Variants in TG observed in about 807,000 individuals in gnomAD.
TG encodes thyroid hormones.
In TG, 270 loss-of-function variants were observed where a neutral mutation model predicts 324.7. That is an observed-to-expected ratio of 0.83 (90% CI 0.75 to 0.92). The LOEUF (loss-of-function observed/expected upper bound fraction) is 0.92, where lower values mean the gene tolerates loss of function less well. Among genes scored for constraint, TG ranks in the 40% least tolerant of loss-of-function variants. TG has a pLI of 0.00. For synonymous variants in TG, 1,401 were observed against 1,327.0 expected, an observed-to-expected ratio of 1.06 and a Z score of -1.21; for missense variants, 3,591 against 3,456.4, an observed-to-expected ratio of 1.04 and a Z score of -0.98.
intron 25 of TG, 46 bp downstream of exon 25, chr8:132,935,910 C>A: frequency 2.7e-6 from 4 of 1,485,232 alleles, no homozygotes; most frequent in South Asian, 2.3e-5. Flanking sequence ...TGGCTTCACA[C>A]GGTCATGTTT....
chr8:133,040,527 T>C (rs945722452), intron 41 of TG, among the ~76,000 whole-genome samples: 14 of 152,338 alleles, frequency 9.2e-5, no homozygotes, highest in African/African-American at 3.4e-4. Flanking sequence ...CTTCCAGGGT[T>C]TCCCGCAAAT....
chr8:132,874,639 G>A (rs1389394471), intron 5 of TG, among the ~76,000 whole-genome samples: 3 of 152,176 alleles, frequency 2.0e-5, no homozygotes, highest in African/African-American at 7.2e-5. Context: ...GTGCAGAACT[G>A]TCCCACAGGC....
chr8:132,874,451 A>C (rs1441315544), intron 5 of TG, among the ~76,000 whole-genome samples: 1 of 152,200 alleles, frequency 6.6e-6, no homozygotes, highest in Non-Finnish European at 1.5e-5. Context: ...TTTAGATGTA[A>C]TTGAACCATT....
chr8:132,923,317 A>G (rs200698081), intron 21 of TG, 21 bp from the exon 22 acceptor site: 17 of 1,612,828 alleles, frequency 1.1e-5, no homozygotes, highest in Non-Finnish European at 1.3e-5. Flanking sequence ...ATTGACGGCT[A>G]TGTCAATCTA....
chr8:133,083,839 G>A (rs191578785), intron 41 of TG, among the ~76,000 whole-genome samples: 38 of 152,248 alleles, frequency 2.5e-4, no homozygotes, highest in Non-Finnish European at 5.0e-4. Context: ...CCCCGTCCAG[G>A]TTCTAGTGAA....
intron 5 of TG, among the ~76,000 whole-genome samples, chr8:132,877,503 G>C (rs1813989193): frequency 6.6e-6 from 1 of 152,178 alleles, no homozygotes. Context: ...TCATTTGTGA[G>C]TCAGTGTTTA....
chr8:133,022,708 C>T (rs1835672286), intron 40 of TG, among the ~76,000 whole-genome samples: 1 of 152,210 alleles, frequency 6.6e-6, no homozygotes, highest in African/African-American at 2.4e-5. Flanking sequence ...TCCCCACTGA[C>T]TCCTAGGGCT....
At position 132,906,819 on chromosome 8, in the gene TG, G is replaced by A. The variant is rs139770730; in HGVS notation, c.3766G>A (p.Val1256Met). ...QLLCRQGSWS[V>M]FPPGPLICSL... ...GCTGTGCCGCCAGGGCTCCTGGAGC[G>A]TGTTTCCACCAGGGCCATTGATATG... Residue 1256 changes from valine to methionine, a missense_variant, in exon 17 of 48, where the codon GTG becomes ATG. Transcript: ENST00000220616. 4.9e-4 allele frequency: 783 copies of A among 1,614,156 alleles called. 7 individuals carry two copies. The highest frequency in any genetic ancestry group is 1.8e-4 in the East Asian group (8 of 44,872).
chr8:133,033,866 A>G (rs920613632), intron 41 of TG, among the ~76,000 whole-genome samples: 1 of 152,228 alleles, frequency 6.6e-6, no homozygotes, highest in East Asian at 1.9e-4. Context: ...TATTTTTCTA[A>G]CATCTCTCAT....
At chr8:133,062,200 G>A (rs1213428817) in intron 41 of TG, among the ~76,000 whole-genome samples, 1 of 152,128 alleles carries the variant, frequency 6.6e-6, no homozygotes, top group Non-Finnish European at 1.5e-5. Flanking sequence ...CTTTCTTCAT[G>A]CTTGCCCCTA....
chr8:133,097,338 A>G (rs1048537391), intron 43 of TG, among the ~76,000 whole-genome samples: 1 of 152,254 alleles, frequency 6.6e-6, no homozygotes, highest in African/African-American at 2.4e-5. Flanking sequence ...ATATATATAC[A>G]AGAGTATTTA....
At chr8:133,010,213 T>C (rs187785884) in intron 35 of TG, among the ~76,000 whole-genome samples, 103 of 152,266 alleles carry the variant, frequency 6.8e-4, no homozygotes, top group African/African-American at 2.4e-3. Context: ...TTCTGAAAAA[T>C]GTCATATAAC....
chr8:132,914,573 C>T (rs537256997), intron 20 of TG, among the ~76,000 whole-genome samples: 1 of 152,180 alleles, frequency 6.6e-6, no homozygotes, highest in Non-Finnish European at 1.5e-5. Flanking sequence ...CACAATAGCC[C>T]CTGGTGGCAG....
At chr8:132,953,832 C>A (rs1210428462) in intron 27 of TG, among the ~76,000 whole-genome samples, 1 of 152,122 alleles carries the variant, frequency 6.6e-6, no homozygotes, top group Non-Finnish European at 1.5e-5. Context: ...TGAGTGCATT[C>A]AACTATTTGC....
At chr8:132,999,087 G>T (rs1833179672) in intron 35 of TG, among the ~76,000 whole-genome samples, 1 of 152,178 alleles carries the variant, frequency 6.6e-6, no homozygotes, top group Non-Finnish European at 1.5e-5. Context: ...TTACAGTCAT[G>T]GTAAGAACCC....
chr8:133,061,831 C>G (rs905974483), intron 41 of TG, among the ~76,000 whole-genome samples: 1 of 152,114 alleles, frequency 6.6e-6, no homozygotes, highest in South Asian at 2.1e-4. Context: ...CAGAGCAAGG[C>G]CCTCCCCGGG....
At position 132,875,569 on chromosome 8, in the gene TG, T is replaced by A. The variant is rs116213195; in HGVS notation, c.638+2348T>A. On this transcript the variant is annotated intron_variant, in intron 5 of 47. Transcript: ENST00000220616. ...AGCCTTGCACACAGCAGGTCTGGAA[T>A]CAGTGCTTAAGGAATTGGTGAATGC... Among the ~76,000 whole-genome samples, 549 of 152,304 alleles carry A rather than the reference T, an allele frequency of 3.6e-3. 2 individuals carry two copies. Among genetic ancestry groups the A allele is most frequent in the African/African-American group, 0.013 (522 of 41,578 alleles).
chr8:132,905,133 T>G lies in TG; in HGVS notation c.3635-1555T>G, dbSNP rs180993522. ...TACACATCCCATAGTAGTTTTTAAA[T>G]AAATACTCCTACTAGGAGGTAGGCA... On this transcript the variant is annotated intron_variant, in intron 16 of 47. Transcript: ENST00000220616. 2.6e-4 allele frequency among the ~76,000 whole-genome samples: 39 copies of G among 152,280 alleles called. No homozygotes were observed. In the East Asian group the frequency reaches 3.9e-3, roughly 15 times the overall value.
At chr8:133,005,207 C>T (rs760204791) in intron 35 of TG, among the ~76,000 whole-genome samples, 3 of 152,110 alleles carry the variant, frequency 2.0e-5, no homozygotes, top group East Asian at 1.9e-4. Flanking sequence ...CCCATGGCAC[C>T]GCAGGCACAC....
Sources: gnomAD v4.1 joint callset for allele counts (sites outside exome capture counted in the v4.1 genomes callset) on GRCh38, gnomAD v4.1.1 for gene constraint, MANE v1.5 for transcripts, NCBI Gene and HGNC (gene_info 2026-07-23, HGNC 2026-07-21) for gene names.